MYO3B: variants seen among roughly 807,000 people sequenced by gnomAD.
MYO3B encodes myosin IIIB.
A neutral mutation model predicts 174.6 loss-of-function variants in MYO3B; 156 were observed. The observed-to-expected ratio is 0.89, with a 90% CI of 0.78 to 1.02. MYO3B has a LOEUF of 1.02. Among genes scored for constraint, MYO3B ranks in the 50% least tolerant of loss-of-function variants. MYO3B has a pLI of 0.00. For synonymous variants in MYO3B, 563 were observed against 569.1 expected, an observed-to-expected ratio of 0.99 and a Z score of 0.15; for missense variants, 1,632 against 1,639.4, an observed-to-expected ratio of 1.00 and a Z score of 0.08.
At chr2:170,232,873 C>A (rs1356390303) in intron 6 of MYO3B, among the ~76,000 whole-genome samples, 3 of 152,142 alleles carry the variant, frequency 2.0e-5, no homozygotes, top group Non-Finnish European at 4.4e-5. Flanking sequence ...TAAATAATTT[C>A]TTTGTTACAT....
At position 170,651,618 on chromosome 2, in the gene MYO3B, CT is replaced by C. The variant is rs34148296; in HGVS notation, c.3734-4del. On this transcript the variant is annotated splice_polypyrimidine_tract_variant and intron_variant, in intron 32 of 34. Coordinates refer to ENST00000408978, the MANE Select transcript of MYO3B (RefSeq NM_138995.5). ...GGACAGTTTACAGCAAAGTTTTGCT[CT>C]TTTTTCAGGTTCAGAAAATGGTCTT... 2 of 1,613,688 alleles carry C rather than the reference CT, an allele frequency of 1.2e-6. No individual in the cohort carries two copies. Among genetic ancestry groups the C allele is most frequent in the Non-Finnish European group, 1.7e-6 (2 of 1,179,688 alleles).
intron 21 of MYO3B, among the ~76,000 whole-genome samples, chr2:170,406,065 G>GA (rs371303933): frequency 1.1e-4 from 17 of 151,058 alleles, no homozygotes; most frequent in South Asian, 2.1e-4. Context: ...CAGATGAAAA[G>GA]AAAAAAAAAT....
At chr2:170,483,275 G>T (rs190598267) in intron 25 of MYO3B, among the ~76,000 whole-genome samples, 297 of 150,192 alleles carry the variant, frequency 2.0e-3, no homozygotes, top group African/African-American at 7.0e-3. Flanking sequence ...CAAGAGAAAA[G>T]ACATTATGAA....
intron 27 of MYO3B, among the ~76,000 whole-genome samples, chr2:170,500,672 T>G (rs541839586): frequency 6.6e-6 from 1 of 152,276 alleles, no homozygotes; most frequent in South Asian, 2.1e-4. Flanking sequence ...GCGGTATAAA[T>G]GGACCAGTGA....
chr2:170,378,858 T>G (rs2094313657), intron 9 of MYO3B, among the ~76,000 whole-genome samples: 1 of 152,134 alleles, frequency 6.6e-6, no homozygotes, highest in African/African-American at 2.4e-5. Flanking sequence ...AGGTCAGGAG[T>G]TACTGAAGGA....
At chr2:170,283,994 T>C (rs2093534736) in intron 7 of MYO3B, among the ~76,000 whole-genome samples, 5 of 152,218 alleles carry the variant, frequency 3.3e-5, no homozygotes, top group Admixed American at 3.3e-4. Flanking sequence ...GCTGAGCAGC[T>C]CTTATGAATT....
At chr2:170,263,724 G>C (rs950257274) in intron 7 of MYO3B, among the ~76,000 whole-genome samples, 7 of 151,970 alleles carry the variant, frequency 4.6e-5, no homozygotes, top group Admixed American at 1.3e-4. Flanking sequence ...GTTTTACACC[G>C]AGACATTCCA....
intron 7 of MYO3B, among the ~76,000 whole-genome samples, chr2:170,258,210 A>G (rs755010233): frequency 7.9e-5 from 12 of 152,160 alleles, no homozygotes; most frequent in Admixed American, 7.2e-4. Flanking sequence ...ACTCCTCCCT[A>G]ACTTATTCTA....
intron 23 of MYO3B, among the ~76,000 whole-genome samples, chr2:170,456,388 T>C (rs1683910378): frequency 6.6e-6 from 1 of 152,164 alleles, no homozygotes; most frequent in African/African-American, 2.4e-5. Flanking sequence ...GGGTCTAGGC[T>C]TTAGGCAGAT....
intron 1 of MYO3B, among the ~76,000 whole-genome samples, chr2:170,185,019 GATT>G (rs2092445930): frequency 6.6e-6 from 1 of 150,622 alleles, no homozygotes; most frequent in Admixed American, 6.7e-5. Context: ...TTTAAAATCA[GATT>G]ATTAGATTTT....
intron 9 of MYO3B, among the ~76,000 whole-genome samples, chr2:170,371,609 G>A (rs2094245203): frequency 6.6e-6 from 1 of 151,252 alleles, no homozygotes; most frequent in Non-Finnish European, 1.5e-5. Flanking sequence ...ATGTTTTTCA[G>A]CCCACCAGGA....
intron 7 of MYO3B, among the ~76,000 whole-genome samples, chr2:170,300,165 T>G (rs1487995706): frequency 1.4e-5 from 1 of 72,850 alleles, no homozygotes; most frequent in Non-Finnish European, 3.6e-5. Flanking sequence ...TGTACTTACC[T>G]GTACCTTTGA....
chr2:170,479,439 A>G, intron 25 of MYO3B, among the ~76,000 whole-genome samples: 1 of 146,376 alleles, frequency 6.8e-6, no homozygotes. Context: ...TTTAAAATAT[A>G]TAAAATATAG....
At chr2:170,645,556 A>G (rs1275832876) in intron 32 of MYO3B, among the ~76,000 whole-genome samples, 1 of 152,028 alleles carries the variant, frequency 6.6e-6, no homozygotes, top group Non-Finnish European at 1.5e-5. Flanking sequence ...CTAGGTAACT[A>G]TCCGATAACC....
intron 3 of MYO3B, among the ~76,000 whole-genome samples, chr2:170,203,473 G>A (rs1195206215): frequency 8.2e-6 from 1 of 121,270 alleles, no homozygotes; most frequent in Non-Finnish European, 1.6e-5. Context: ...TATCTAATAT[G>A]TAGAGCCAAA....
chr2:170,624,596 C>A (rs920096343), intron 32 of MYO3B, among the ~76,000 whole-genome samples: 1 of 152,166 alleles, frequency 6.6e-6, no homozygotes, highest in African/African-American at 2.4e-5. Flanking sequence ...GAACTTCCAA[C>A]ACTATGTTGG....
At chr2:170,329,230 A>AGT (rs72422629) in intron 7 of MYO3B, among the ~76,000 whole-genome samples, 8,884 of 148,516 alleles carry the variant, frequency 0.06, 363 homozygotes, top group African/African-American at 0.12. Context: ...ACAGAAAAAC[A>AGT]GTGTGTGTGT....
At chr2:170,382,243 A>G in intron 10 of MYO3B, 131 bp downstream of exon 10, 1 of 666,070 alleles carries the variant, frequency 1.5e-6, no homozygotes, top group Non-Finnish European at 2.6e-6. Flanking sequence ...TATGGGATGA[A>G]GTTCAGGGAG....
chr2:170,595,167 T>C (rs1694067367), intron 32 of MYO3B, among the ~76,000 whole-genome samples: 1 of 152,092 alleles, frequency 6.6e-6, no homozygotes, highest in South Asian at 2.1e-4. Context: ...GTAACCATCG[T>C]TTTGCAGGGT....
Sources: gnomAD v4.1 joint callset for allele counts (sites outside exome capture counted in the v4.1 genomes callset) on GRCh38, gnomAD v4.1.1 for gene constraint, MANE v1.5 for transcripts, NCBI Gene and HGNC (gene_info 2026-07-23, HGNC 2026-07-21) for gene names.